SGCZ: variants seen among roughly 807,000 people sequenced by gnomAD.
SGCZ encodes the protein zeta-sarcoglycan.
In SGCZ, 40 loss-of-function variants were observed where a neutral mutation model predicts 41.3. The ratio of observed to expected loss-of-function variants is 0.97; its 90% CI spans 0.75 to 1.26. The LOEUF is 1.26. Ranked by LOEUF, SGCZ falls within the 50% of genes most tolerant of loss-of-function variation. The pLI, the probability that SGCZ is intolerant of heterozygous loss-of-function variation, is 0.00. For missense variants in SGCZ, 552 were observed against 369.8 expected (o/e 1.49, Z -4.04); for synonymous variants, 206 against 137.5 (o/e 1.50, Z -3.49).
At chr8:14,258,745 G>A (rs1022715599) in intron 3 of SGCZ, among the ~76,000 whole-genome samples, 1 of 152,136 alleles carries the variant, frequency 6.6e-6, no homozygotes, top group African/African-American at 2.4e-5. Context: ...ACTGCAGTTT[G>A]TATATCTTAA....
chr8:14,790,565 A>G (rs1186670105), intron 1 of SGCZ, among the ~76,000 whole-genome samples: 1 of 146,494 alleles, frequency 6.8e-6, no homozygotes, highest in East Asian at 1.9e-4. Context: ...TTCTATAATA[A>G]CTAAGTAACT....
chr8:14,662,419 C>G (rs1468923162), intron 1 of SGCZ, among the ~76,000 whole-genome samples: 2 of 152,164 alleles, frequency 1.3e-5, no homozygotes, highest in African/African-American at 4.8e-5. Flanking sequence ...AGATAAAGCA[C>G]CCTTGTGAGG....
At chr8:14,947,728 T>C (rs144418212) in intron 1 of SGCZ, among the ~76,000 whole-genome samples, 40 of 152,346 alleles carry the variant, frequency 2.6e-4, no homozygotes, top group African/African-American at 9.4e-4. Flanking sequence ...TTAAATATGA[T>C]GTTACCTCAC....
chr8:14,311,953 G>C (rs902284852), intron 3 of SGCZ, among the ~76,000 whole-genome samples: 1 of 152,118 alleles, frequency 6.6e-6, no homozygotes, highest in Non-Finnish European at 1.5e-5. Context: ...AATAAACAAA[G>C]TGTTTCATAT....
At chr8:15,178,279 T>C (rs978974918) in intron 1 of SGCZ, among the ~76,000 whole-genome samples, 1 of 152,188 alleles carries the variant, frequency 6.6e-6, no homozygotes, top group Non-Finnish European at 1.5e-5. Flanking sequence ...CATTACATTT[T>C]TCTATAAATT....
intron 2 of SGCZ, among the ~76,000 whole-genome samples, chr8:14,544,800 GC>G (rs1244780393): frequency 6.6e-6 from 1 of 152,134 alleles, no homozygotes; most frequent in Non-Finnish European, 1.5e-5. Flanking sequence ...CTGTGGTTCT[GC>G]TTTTGCCCTT....
chr8:14,865,650 T>G (rs1161277453), intron 1 of SGCZ, among the ~76,000 whole-genome samples: 1 of 152,074 alleles, frequency 6.6e-6, no homozygotes, highest in Non-Finnish European at 1.5e-5. Context: ...TTCAATTACA[T>G]AAGGGGCCAG....
At position 14,505,734 on chromosome 8, in the gene SGCZ, T is replaced by C. The variant is rs187067263; in HGVS notation, c.234+48998A>G. Among the ~76,000 whole-genome samples, 32 of 152,280 alleles carry C rather than the reference T, an allele frequency of 2.1e-4. No individual in the cohort carries two copies. The South Asian group carries it at 3.1e-3, about 15-fold the overall frequency. On this transcript the variant is annotated intron_variant, in intron 2 of 7. Transcript: ENST00000382080. The stretch of plus-strand genomic sequence containing the variant: ...CAATTACTGGTATCCCTGGCCTCAA[T>C]TGGACCCTTAGTATTTCCAGACAAT...
chr8:14,356,018 G>C (rs1803282505), intron 2 of SGCZ, among the ~76,000 whole-genome samples: 1 of 152,050 alleles, frequency 6.6e-6, no homozygotes, highest in Non-Finnish European at 1.5e-5. Flanking sequence ...CTTTTCCTGG[G>C]CTAGTAATAT....
At chr8:14,660,176 T>C (rs972952009) in intron 1 of SGCZ, among the ~76,000 whole-genome samples, 1 of 152,128 alleles carries the variant, frequency 6.6e-6, no homozygotes, top group Non-Finnish European at 1.5e-5. Context: ...TGCATGTCCT[T>C]ATATTCTGGC....
intron 1 of SGCZ, among the ~76,000 whole-genome samples, chr8:15,105,308 G>A (rs1473593162): frequency 2.0e-5 from 3 of 152,014 alleles, no homozygotes. Flanking sequence ...ATGTGTATTA[G>A]TCTCACACAC....
intron 2 of SGCZ, among the ~76,000 whole-genome samples, chr8:14,413,357 G>C (rs1174497965): frequency 8.0e-6 from 1 of 125,780 alleles, no homozygotes; most frequent in Admixed American, 7.6e-5. Context: ...TACTTTTTAA[G>C]CTATTTATAT....
intron 1 of SGCZ, among the ~76,000 whole-genome samples, chr8:14,889,597 A>G (rs950501293): frequency 6.6e-6 from 1 of 152,098 alleles, no homozygotes; most frequent in African/African-American, 2.4e-5. Context: ...GATGACAATA[A>G]CACCAGCCCT....
intron 1 of SGCZ, among the ~76,000 whole-genome samples, chr8:14,787,259 TTCAG>T (rs1285994784): frequency 6.6e-6 from 1 of 152,046 alleles, no homozygotes; most frequent in African/African-American, 2.4e-5. Flanking sequence ...GACAATGAAA[TTCAG>T]GTGTATCCTC....
chr8:14,821,283 A>AATT (rs1802072899), intron 1 of SGCZ, among the ~76,000 whole-genome samples: 1 of 151,906 alleles, frequency 6.6e-6, no homozygotes, highest in Admixed American at 6.6e-5. Context: ...AAATAGAAAA[A>AATT]CTGAACAGAA....
chr8:14,681,353 T>C (rs1008803820), intron 1 of SGCZ, among the ~76,000 whole-genome samples: 2 of 152,068 alleles, frequency 1.3e-5, no homozygotes. Flanking sequence ...GGGGGAAAAA[T>C]GACAGCCTAG....
chr8:15,121,016 A>G (rs1208449625), intron 1 of SGCZ, among the ~76,000 whole-genome samples: 2 of 152,314 alleles, frequency 1.3e-5, no homozygotes, highest in East Asian at 3.9e-4. Flanking sequence ...AACACATTGG[A>G]TAAGTGAGCC....
intron 3 of SGCZ, among the ~76,000 whole-genome samples, chr8:14,293,704 T>G (rs1800920348): frequency 6.6e-6 from 1 of 151,908 alleles, no homozygotes; most frequent in Non-Finnish European, 1.5e-5. Flanking sequence ...GAAATTATGT[T>G]AAATTACAGG....
At chr8:14,671,455 C>G (rs980913759) in intron 1 of SGCZ, among the ~76,000 whole-genome samples, 9 of 152,024 alleles carry the variant, frequency 5.9e-5, no homozygotes, top group African/African-American at 2.2e-4. Flanking sequence ...TTCAATGCTG[C>G]CTATTTTAAT....
Sources: allele counts gnomAD v4.1 joint callset (sites outside exome capture counted in the v4.1 genomes callset), GRCh38; gene constraint gnomAD v4.1.1; transcripts MANE v1.5; gene names NCBI Gene and HGNC (gene_info 2026-07-23, HGNC 2026-07-21).